NAPEPLD: variants seen among roughly 807,000 people sequenced by gnomAD.
NAPEPLD encodes N-acyl phosphatidylethanolamine phospholipase D.
NAPEPLD carries 23 observed loss-of-function variants against 38.1 expected under a neutral mutation model. That is an observed-to-expected ratio of 0.60 (90% CI 0.43 to 0.86). The LOEUF is 0.86. Ranked by LOEUF, NAPEPLD falls within the 40% of genes least tolerant of loss-of-function variation. The pLI, the probability that NAPEPLD is intolerant of heterozygous loss-of-function variation, is 0.00. For synonymous variants in NAPEPLD, 147 were observed against 162.0 expected (o/e 0.91, Z 0.71); for missense variants, 411 against 476.8 (o/e 0.86, Z 1.28).
chr7:103,123,849 G>T (rs1807207049), intron 2 of NAPEPLD, among the ~76,000 whole-genome samples: 1 of 151,986 alleles, frequency 6.6e-6, no homozygotes, highest in South Asian at 2.1e-4. Flanking sequence ...AGAATAAGGG[G>T]GTATGAATTT....
At chr7:103,121,993 C>G (rs993817196) in intron 2 of NAPEPLD, among the ~76,000 whole-genome samples, 4 of 151,936 alleles carry the variant, frequency 2.6e-5, no homozygotes, top group African/African-American at 9.7e-5. Flanking sequence ...GGTACAGAGC[C>G]AAACAGGAAT....
At chr7:103,141,658 C>T (rs552453373) in intron 1 of NAPEPLD, 25 of 913,020 alleles carry the variant, frequency 2.7e-5, no homozygotes, top group South Asian at 1.8e-4. Flanking sequence ...TCCTCATCCA[C>T]GTGACCTTCT....
In NAPEPLD at chr7:103,148,802, T is replaced by C. The variant is rs1813137833; in HGVS notation, c.-17+9A>G. On this transcript the variant is annotated intron_variant, in intron 1 of 4. Coordinates refer to ENST00000465647, the MANE Select transcript of NAPEPLD (RefSeq NM_001122838.3). ...TCATTTACATACAACCAAAAGAAGATAAACCCACATGTATTCCTATCAGTG... is the reference window on the plus strand; with the variant it reads ...TCATTTACATACAACCAAAAGAAGACAAACCCACATGTATTCCTATCAGTG... 2 of 985,112 alleles carry C rather than the reference T, an allele frequency of 2.0e-6. No homozygotes were observed. Among genetic ancestry groups the C allele is most frequent in the South Asian group, 9.4e-5 (2 of 21,270 alleles). The allele number at this position is 985,112 out of a possible 1,614,324, so 61.0% of individuals were successfully genotyped here. A position where few individuals can be genotyped will look rare whatever the true frequency, so the allele number is the denominator to read the frequency against.
At chr7:103,123,393 T>C (rs756206745) in intron 2 of NAPEPLD, among the ~76,000 whole-genome samples, 3 of 152,174 alleles carry the variant, frequency 2.0e-5, no homozygotes, top group Non-Finnish European at 4.4e-5. Flanking sequence ...ATTTGGGAGT[T>C]AGGGTTAGTG....
intron 1 of NAPEPLD, among the ~76,000 whole-genome samples, chr7:103,145,767 T>C (rs966117087): frequency 6.6e-6 from 1 of 152,160 alleles, no homozygotes; most frequent in African/African-American, 2.4e-5. Flanking sequence ...GTATCAGCCA[T>C]GCTGTCACCC....
chr7:103,119,760 T>G lies in NAPEPLD; in HGVS notation c.758A>C (p.His253Pro). 1 of 1,614,144 alleles carries G rather than the reference T, an allele frequency of 6.2e-7. No homozygotes were observed. ...KVTFVFTPSQ[H>P]WCKRTLMDDN... ...ATCCATTAGAGTCCTTTTACACCAG[T>G]GCTGGGAAGGTGTAAAGACAAAAGT... Residue 253 changes from histidine to proline, a missense_variant, in exon 3 of 5, where the codon CAC becomes CCC. His to Pro is a moderately conservative substitution (Grantham distance 77). Transcript: ENST00000465647.
At chr7:103,103,728 C>T (rs1802742643) in intron 4 of NAPEPLD, among the ~76,000 whole-genome samples, 174 bp from the exon 5 acceptor site, 1 of 152,156 alleles carries the variant, frequency 6.6e-6, no homozygotes, top group Non-Finnish European at 1.5e-5. Flanking sequence ...AGTTTTGAGT[C>T]ATGAATTAAG....
chr7:103,145,139 G>A (rs1343002618), intron 1 of NAPEPLD, among the ~76,000 whole-genome samples: 1 of 152,120 alleles, frequency 6.6e-6, no homozygotes, highest in Non-Finnish European at 1.5e-5. Flanking sequence ...ATAAATGTGT[G>A]CGCAGTTTAA....
chr7:103,119,090 G>C (rs1806101183), intron 3 of NAPEPLD, among the ~76,000 whole-genome samples: 1 of 152,226 alleles, frequency 6.6e-6, no homozygotes, highest in South Asian at 2.1e-4. Context: ...CCATGTGAAA[G>C]AATAAGAGTA....
intron 1 of NAPEPLD, chr7:103,141,644 A>G: frequency 2.2e-6 from 2 of 911,000 alleles, no homozygotes; most frequent in South Asian, 2.6e-5. Context: ...CAGAATCCTC[A>G]TTCTCCTCAT....
At chr7:103,146,664 T>G (rs1812622373) in intron 1 of NAPEPLD, among the ~76,000 whole-genome samples, 1 of 152,210 alleles carries the variant, frequency 6.6e-6, no homozygotes, top group Admixed American at 6.5e-5. Context: ...CCAACAGCAC[T>G]GGCCATTCAC....
chr7:103,146,255 G>A (rs975319561), intron 1 of NAPEPLD, among the ~76,000 whole-genome samples: 3 of 151,910 alleles, frequency 2.0e-5, no homozygotes, highest in African/African-American at 7.3e-5. Context: ...TGAGGCATGA[G>A]TATCGCTTGA....
chr7:103,138,352 A>G (rs1810514352), intron 1 of NAPEPLD, among the ~76,000 whole-genome samples: 1 of 152,250 alleles, frequency 6.6e-6, no homozygotes, highest in Non-Finnish European at 1.5e-5. Flanking sequence ...AAAGAAACGG[A>G]AAGGAGAAAC....
Position 103,149,082 on chromosome 7 carries a change from C to T in NAPEPLD, c.-288G>A, listed in dbSNP as rs1468853358. 1.0e-6 allele frequency: 1 copy of T among 985,348 alleles called. No individual in the cohort carries two copies. Among genetic ancestry groups the T allele is most frequent in the African/African-American group, 1.7e-5 (1 of 57,256 alleles). The allele number at this position is 985,348 out of a possible 1,614,324, so 61.0% of individuals were successfully genotyped here. On this transcript the variant is annotated 5_prime_UTR_variant, in exon 1 of 5. In the 5' UTR this introduces an upstream ATG that the reference lacks. Coordinates refer to ENST00000465647, the MANE Select transcript of NAPEPLD (RefSeq NM_001122838.3). ...CACTTCGCCGAAGAATTCCAAACCA[C>T]CCCAGGCTCAGCAGTGTGGATTGCT...
chr7:103,145,972 A>AAC (rs144906536), intron 1 of NAPEPLD, among the ~76,000 whole-genome samples: 56 of 151,318 alleles, frequency 3.7e-4, no homozygotes, highest in South Asian at 8.4e-4. Context: ...CATTCTGGAA[A>AAC]ACACACACAC....
chr7:103,145,460 A>G (rs1198112606), intron 1 of NAPEPLD, among the ~76,000 whole-genome samples: 1 of 152,270 alleles, frequency 6.6e-6, no homozygotes, highest in Non-Finnish European at 1.5e-5. Context: ...ATCAACTTTC[A>G]GCCAAGAATT....
rs1802422451 is a variant in NAPEPLD at position 103,101,704 on chromosome 7, C to T, written c.*1725G>A. The T allele has an allele frequency of 6.6e-6, 1 of 152,554 alleles. No homozygotes were observed. The highest frequency in any genetic ancestry group is 1.5e-5 in the Non-Finnish European group (1 of 68,034). 9.5% of individuals were successfully genotyped at this position (152,554 alleles called of 1,614,324 possible). ...AAACAGGCACAGTGAGCACTGGTGA[C>T]TTGTTTCAGGTTACACAAAAAAATC... is the stretch of plus-strand genomic sequence containing the variant. On this transcript the variant is annotated 3_prime_UTR_variant, in exon 5 of 5. Transcript: ENST00000465647.
chr7:103,135,125 T>C (rs945279575), intron 1 of NAPEPLD, among the ~76,000 whole-genome samples: 1 of 152,216 alleles, frequency 6.6e-6, no homozygotes, highest in Non-Finnish European at 1.5e-5. Flanking sequence ...AAATACTAAT[T>C]GAGTTCTTGT....
At chr7:103,112,426 G>A (rs970465183) in intron 4 of NAPEPLD, among the ~76,000 whole-genome samples, 1 of 152,098 alleles carries the variant, frequency 6.6e-6, no homozygotes, top group Non-Finnish European at 1.5e-5. Flanking sequence ...TGCAGCCATA[G>A]AAAAGGATGA....
Sources: allele counts gnomAD v4.1 joint callset (sites outside exome capture counted in the v4.1 genomes callset), GRCh38; gene constraint gnomAD v4.1.1; transcripts MANE v1.5; gene names NCBI Gene and HGNC (gene_info 2026-07-23, HGNC 2026-07-21).